The following ATP9A variants were observed in gnomAD, a reference collection of about 807,000 sequenced individuals.
ATP9A encodes the protein ATPase phospholipid transporting 9A, also known as probable phospholipid-transporting ATPase IIA.
In ATP9A, 52 loss-of-function variants were observed where a neutral mutation model predicts 144.1. The observed-to-expected ratio is 0.36, with a 90% CI of 0.29 to 0.45. The LOEUF (loss-of-function observed/expected upper bound fraction) is 0.45. ATP9A is among the 20% of genes least tolerant of loss of function. The pLI is 1.00. For missense variants in ATP9A, 947 were observed against 1,392.7 expected (o/e 0.68, Z 5.09); for synonymous variants, 582 against 557.4 (o/e 1.04, Z -0.62).
At chr20:51,636,016 A>G (rs955189826) in intron 15 of ATP9A, among the ~76,000 whole-genome samples, 4 of 152,188 alleles carry the variant, frequency 2.6e-5, no homozygotes, top group Admixed American at 6.5e-5. Flanking sequence ...GACCCCATAT[A>G]CACTATGTTT....
rs541071389 is a variant in ATP9A at position 51,695,602 on chromosome 20, C to T, written c.547+491G>A. Among the ~76,000 whole-genome samples the T allele has an allele frequency of 9.9e-5, 15 of 152,044 alleles. 1 individual carries two copies. In the East Asian group the frequency reaches 1.5e-3, roughly 16 times the overall value. On this transcript the variant is annotated intron_variant, in intron 6 of 27. Transcript: ENST00000338821. ...ACTTCAGAGATTCCCACCCCACAAA[C>T]TCAGGCTACAATAAATAAATCAATA...
At chr20:51,746,285 C>T (rs748186902) in intron 1 of ATP9A, among the ~76,000 whole-genome samples, 1 of 152,172 alleles carries the variant, frequency 6.6e-6, no homozygotes, top group Non-Finnish European at 1.5e-5. Flanking sequence ...CTGATGTAAC[C>T]TCAGGTACGT....
chr20:51,639,491 T>C lies in ATP9A; in HGVS notation c.1520A>G (p.Gln507Arg). ...ASSPDEVALV[Q>R]WTESVGLTLV... ...GGTTAAGCCCACACTTTCCGTCCAC[T>C]GTACCAGGGCCACCTAAACATAACA... Residue 507 changes from glutamine to arginine, a missense_variant, in exon 15 of 28, where the codon CAG becomes CGG. By Grantham distance (43) the Gln-to-Arg change is conservative. This residue lies in a region of ATP9A where 770 missense variants were observed against 1,047.9 expected (regional missense o/e 0.73). Coordinates refer to ENST00000338821, the MANE Select transcript of ATP9A (RefSeq NM_006045.3). The C allele has an allele frequency of 1.2e-6, 2 of 1,610,624 alleles. No individual in the cohort carries two copies. The highest frequency in any genetic ancestry group is 1.7e-6 in the Non-Finnish European group (2 of 1,178,756).
At chr20:51,645,660 TA>T (rs1444492722) in intron 14 of ATP9A, among the ~76,000 whole-genome samples, 1 of 152,216 alleles carries the variant, frequency 6.6e-6, no homozygotes, top group Non-Finnish European at 1.5e-5. Context: ...AAGTCAGTGT[TA>T]ATTTAAAGCT....
chr20:51,718,411 A>C (rs2077672135), intron 3 of ATP9A, among the ~76,000 whole-genome samples: 1 of 151,686 alleles, frequency 6.6e-6, no homozygotes, highest in Non-Finnish European at 1.5e-5. Context: ...TGGTACTTTA[A>C]ATATTTCTCC....
rs1302932449 is a variant in ATP9A, at chr20:51,618,683, C to G, written c.2329G>C (p.Gly777Arg). Residue 777 changes from glycine (G) to arginine (R), a missense_variant, in exon 21 of 28, where the codon GGC becomes CGC. Transcript: ENST00000338821. Reference sequence around the variant, plus strand: ...CTACCTACTGCACAGGTGAGCTTGCCCGTGCGCTCCTGAAGCAGGCGCACG... The same window carrying G: ...CTACCTACTGCACAGGTGAGCTTGCGCGTGCGCTCCTGAAGCAGGCGCACG... ...QIVRLLQERT[G>R]KLTCAVGDGG... The G allele has an allele frequency of 6.2e-7, 1 of 1,612,844 alleles. No homozygotes were observed. Among genetic ancestry groups the G allele is most frequent in the South Asian group, 1.1e-5 (1 of 91,022 alleles).
rs189287295 is a variant in ATP9A at position 51,690,676 on chromosome 20, G to A, written c.723+63C>T. 242 of 1,365,580 alleles carry A rather than the reference G, an allele frequency of 1.8e-4. No homozygotes were observed. The African/African-American group carries it at 3.0e-3, about 17-fold the overall frequency. The allele number at this position is 1,365,580 out of a possible 1,614,324, so 84.6% of individuals were successfully genotyped here. A position where few individuals can be genotyped will look rare whatever the true frequency, so the allele number is the denominator to read the frequency against. On this transcript the variant is annotated intron_variant, in intron 8 of 27. Transcript: ENST00000338821. The stretch of plus-strand genomic sequence containing the variant: ...GACAAAGAACTGTCAGTACTTCTTG[G>A]CCTTCATTTCATCCCTTACACACTC...
At chr20:51,762,228 T>C (rs2122922348) in intron 1 of ATP9A, among the ~76,000 whole-genome samples, 1 of 151,934 alleles carries the variant, frequency 6.6e-6, no homozygotes, top group Non-Finnish European at 1.5e-5. Flanking sequence ...AGGCCAGGCA[T>C]GGTGGCTCAC....
intron 1 of ATP9A, among the ~76,000 whole-genome samples, chr20:51,755,052 A>T (rs373271850): frequency 1.4e-3 from 210 of 152,298 alleles, no homozygotes; most frequent in African/African-American, 4.8e-3. Flanking sequence ...CAGGAGCCGG[A>T]GGCTGCAGTG....
At chr20:51,640,750 G>T (rs1024274702) in intron 14 of ATP9A, among the ~76,000 whole-genome samples, 22 of 152,280 alleles carry the variant, frequency 1.4e-4, no homozygotes, top group African/African-American at 5.1e-4. Context: ...AAATAGCAAA[G>T]AGGGCTGAGT....
chr20:51,640,770 G>A (rs767536931), intron 14 of ATP9A, among the ~76,000 whole-genome samples: 3 of 152,220 alleles, frequency 2.0e-5, no homozygotes, highest in Non-Finnish European at 4.4e-5. Context: ...TGGGGGCTGT[G>A]GCAAGCAGGA....
intron 1 of ATP9A, among the ~76,000 whole-genome samples, chr20:51,745,480 G>A (rs374435213): frequency 5.9e-4 from 90 of 152,080 alleles, no homozygotes; most frequent in African/African-American, 2.1e-3. Flanking sequence ...CAACAGCAGT[G>A]GTTCTCAATA....
chr20:51,629,941 T>A (rs1017383841), intron 15 of ATP9A, among the ~76,000 whole-genome samples: 2 of 152,220 alleles, frequency 1.3e-5, no homozygotes, highest in African/African-American at 2.4e-5. Flanking sequence ...ATGAGAGTGA[T>A]TTCCCAAGTC....
At chr20:51,656,148 C>T (rs1480395203) in intron 14 of ATP9A, among the ~76,000 whole-genome samples, 2 of 150,450 alleles carry the variant, frequency 1.3e-5, no homozygotes, top group African/African-American at 2.4e-5. Context: ...CAAGGGAGTA[C>T]AGCAGGAAAG....
chr20:51,756,291 C>A (rs1259203386), intron 1 of ATP9A, among the ~76,000 whole-genome samples: 2 of 141,528 alleles, frequency 1.4e-5, no homozygotes, highest in Non-Finnish European at 3.1e-5. Flanking sequence ...TTTTTTTTTT[C>A]TTTCTTTCTT....
intron 4 of ATP9A, among the ~76,000 whole-genome samples, chr20:51,710,448 C>G (rs1305142332): frequency 6.6e-6 from 1 of 152,154 alleles, no homozygotes; most frequent in African/African-American, 2.4e-5. Context: ...AGGAATTCGA[C>G]AGGAAAGTCA....
In ATP9A at chr20:51,679,024, A is replaced by T. The variant is rs1601099396; in HGVS notation, c.800-2816T>A. On this transcript the variant is annotated intron_variant, in intron 9 of 27. Coordinates refer to ENST00000338821, the MANE Select transcript of ATP9A (RefSeq NM_006045.3). ...CACTTTTAAATTCAGGAGCTTGCCT[A>T]TCTAAAAAAAAAAATGAGGCCGGGC... Among the ~76,000 whole-genome samples the T allele has an allele frequency of 3.3e-5, 5 of 151,782 alleles. No individual in the cohort carries two copies. The South Asian group carries it at 1.0e-3, about 32-fold the overall frequency.
chr20:51,665,979 C>T (rs1391916284), intron 13 of ATP9A, among the ~76,000 whole-genome samples: 2 of 152,202 alleles, frequency 1.3e-5, no homozygotes, highest in Admixed American at 6.5e-5. Flanking sequence ...TACATTTCAA[C>T]ACTGGGAAAA....
At chr20:51,692,046 A>G (rs1407472745) in intron 7 of ATP9A, among the ~76,000 whole-genome samples, 1 of 152,260 alleles carries the variant, frequency 6.6e-6, no homozygotes, top group Non-Finnish European at 1.5e-5. Flanking sequence ...AGGGTAGTTT[A>G]ATTCATAGAG....
Sources: allele counts gnomAD v4.1 joint callset (sites outside exome capture counted in the v4.1 genomes callset), GRCh38; gene constraint gnomAD v4.1.1; regional missense constraint gnomAD v4.1.1; transcripts MANE v1.5; gene names NCBI Gene and HGNC (gene_info 2026-07-23, HGNC 2026-07-21).